SETDB2: variants seen among roughly 807,000 people sequenced by gnomAD.
SETDB2 encodes SET domain bifurcated histone lysine methyltransferase 2, also known as histone-lysine N-methyltransferase SETDB2.
Under a neutral mutation model 82.5 loss-of-function variants are expected in SETDB2, and 56 were observed. The observed-to-expected ratio is 0.68, with a 90% CI of 0.55 to 0.85. The LOEUF is 0.85. Among genes scored for constraint, SETDB2 ranks in the 40% least tolerant of loss-of-function variants. The pLI, the probability that SETDB2 is intolerant of heterozygous loss-of-function variation, is 0.00. For missense variants in SETDB2, 677 were observed against 816.4 expected, an observed-to-expected ratio of 0.83 and a Z score of 2.08; for synonymous variants, 272 against 284.9, an observed-to-expected ratio of 0.95 and a Z score of 0.46.
At chr13:49,482,354 TA>T (rs1169710456) in intron 8 of SETDB2, 1 of 982,856 alleles carries the variant, frequency 1.0e-6, no homozygotes, top group Non-Finnish European at 1.2e-6. Context: ...GTACTTTTGT[TA>T]AAAATTTTAA....
chr13:49,494,881 C>T lies in SETDB2; in HGVS notation c.*3032C>T, dbSNP rs1958775490. The T allele has an allele frequency of 6.6e-6, 1 of 152,032 alleles. No individual in the cohort carries two copies. Among genetic ancestry groups the T allele is most frequent in the Non-Finnish European group, 1.5e-5 (1 of 68,024 alleles). The allele number at this position is 152,032 out of a possible 1,614,324, so 9.4% of individuals were successfully genotyped here. Reference sequence around the variant, plus strand: ...CCACCAACTATTATATGTCTTTTTTCCAGAACAACTTATTTTTTAACTATA... The same window carrying T: ...CCACCAACTATTATATGTCTTTTTTTCAGAACAACTTATTTTTTAACTATA... On this transcript the variant is annotated 3_prime_UTR_variant, in exon 14 of 14. Transcript: ENST00000611815.
chr13:49,448,876 T>C (rs1957738822), intron 1 of SETDB2, among the ~76,000 whole-genome samples: 1 of 152,240 alleles, frequency 6.6e-6, no homozygotes, highest in Non-Finnish European at 1.5e-5. Context: ...ATTTTCCTTT[T>C]AATTTTGCTT....
intron 4 of SETDB2, among the ~76,000 whole-genome samples, chr13:49,465,072 T>TA (rs11404262): frequency 0.49 from 69,632 of 142,046 alleles, 17,200 homozygotes; most frequent in East Asian, 0.73. Flanking sequence ...AGACCCTGTC[T>TA]AAAAAAAAAA....
chr13:49,470,351 T>C (rs952896468), intron 5 of SETDB2, among the ~76,000 whole-genome samples: 6 of 152,228 alleles, frequency 3.9e-5, no homozygotes, highest in Non-Finnish European at 1.5e-5. Context: ...TCCTTTGCCA[T>C]TAAGAATTCC....
Position 49,476,883 on chromosome 13 carries a change from T to A in SETDB2, c.713T>A (p.Val238Glu). 1 of 1,614,104 alleles carries A rather than the reference T, an allele frequency of 6.2e-7. No individual in the cohort carries two copies. The highest frequency in any genetic ancestry group is 8.5e-7 in the Non-Finnish European group (1 of 1,180,008). Reference sequence around the variant, plus strand: ...TCTGATGTGGATATTAGCAATGGAGTGGAATCAGTGCCCATTTCTTTCTGT... The same window carrying A: ...TCTGATGTGGATATTAGCAATGGAGAGGAATCAGTGCCCATTTCTTTCTGT... ...VVSDVDISNG[V>E]ESVPISFCNE... The change falls in exon 6 of 14, where the codon GTG becomes GAG. Residue 238 changes from valine (V) to glutamate (E), a missense_variant. Around this residue, in one of 3 missense-constraint regions of SETDB2, gnomAD observed 420 missense variants for 554.6 expected, o/e 0.76. Coordinates refer to ENST00000611815, the MANE Select transcript of SETDB2 (RefSeq NM_001160308.3).
At chr13:49,467,712 A>T in intron 4 of SETDB2, 152 bp from the exon 5 acceptor site, 2 of 454,862 alleles carry the variant, frequency 4.4e-6, no homozygotes, top group Non-Finnish European at 7.7e-6. Flanking sequence ...ATTGACACTT[A>T]ATCTTTTGCC....
chr13:49,452,386 C>T (rs1245769612), intron 2 of SETDB2, among the ~76,000 whole-genome samples: 1 of 152,190 alleles, frequency 6.6e-6, no homozygotes, highest in African/African-American at 2.4e-5. Flanking sequence ...GCTAGGATTA[C>T]AGCACTTGCA....
intron 5 of SETDB2, among the ~76,000 whole-genome samples, chr13:49,469,048 C>A (rs921518332): frequency 6.6e-6 from 1 of 152,124 alleles, no homozygotes; most frequent in Non-Finnish European, 1.5e-5. Flanking sequence ...AACTTAAATG[C>A]AGGAGTGGTT....
At chr13:49,449,111 T>C (rs1290458076) in intron 1 of SETDB2, among the ~76,000 whole-genome samples, 1 of 152,260 alleles carries the variant, frequency 6.6e-6, no homozygotes, top group Non-Finnish European at 1.5e-5. Flanking sequence ...TTTTAAAATA[T>C]CATATCTGGG....
Position 49,494,038 on chromosome 13 carries a change from A to G in SETDB2, c.*2189A>G, listed in dbSNP as rs570578782. On this transcript the variant is annotated 3_prime_UTR_variant, in exon 14 of 14. Transcript: ENST00000611815. ...CCTGTTTTCCAGATGTTAGACCTCCAGAATTTGATCTCTAATTTTCCTATC... is the reference window on the plus strand; with the variant it reads ...CCTGTTTTCCAGATGTTAGACCTCCGGAATTTGATCTCTAATTTTCCTATC... 6.6e-6 allele frequency: 1 copy of G among 152,266 alleles called. No homozygotes were observed. Among genetic ancestry groups the G allele is most frequent in the Non-Finnish European group, 1.5e-5 (1 of 68,026 alleles). 9.4% of individuals were successfully genotyped at this position (152,266 alleles called of 1,614,324 possible).
Position 49,483,608 on chromosome 13 carries a change from AAT to A in SETDB2, c.1482+46_1482+47del. The A allele has an allele frequency of 3.1e-5, 15 of 490,650 alleles. No homozygotes were observed. In the South Asian group the frequency reaches 3.7e-4, roughly 12 times the overall value. The allele number at this position is 490,650 out of a possible 1,614,324, so 30.4% of individuals were successfully genotyped here. Reference sequence around the variant, plus strand: ...GTTGGGACCCTTCTTTTCTTTTTTAAATTTTTTTTTTTTTTTTTTTTTTTTTT... The same window carrying A: ...GTTGGGACCCTTCTTTTCTTTTTTAATTTTTTTTTTTTTTTTTTTTTTTTT... On this transcript the variant is annotated intron_variant, in intron 10 of 13. Transcript: ENST00000611815.
In SETDB2 at chr13:49,460,164, T is replaced by C. The variant is rs1752749125; in HGVS notation, c.74T>C (p.Phe25Ser). 1 of 1,613,376 alleles carries C rather than the reference T, an allele frequency of 6.2e-7. No individual in the cohort carries two copies. Among genetic ancestry groups the C allele is most frequent in the Admixed American group, 1.7e-5 (1 of 59,984 alleles). Residue 25 changes from phenylalanine to serine, a missense_variant, in exon 3 of 14, where the codon TTT (phenylalanine) becomes TCT (serine). Transcript: ENST00000611815. ...GATGATGGAAAAGTGGACTTCATTT[T>C]TGAACAAGTACAAAATGTGCTGCAG... ...LEDDGKVDFI[F>S]EQVQNVLQSL...
chr13:49,453,121 G>A (rs1957813576), intron 2 of SETDB2, among the ~76,000 whole-genome samples: 3 of 152,042 alleles, frequency 2.0e-5, no homozygotes, highest in Admixed American at 6.6e-5. Flanking sequence ...TTCTGCAGGG[G>A]AGATTTATCT....
intron 9 of SETDB2, 146 bp downstream of exon 9, chr13:49,483,108 A>C (rs1172937928): frequency 1.7e-6 from 1 of 605,542 alleles, no homozygotes; most frequent in Non-Finnish European, 2.9e-6. Flanking sequence ...TGAGAAATCC[A>C]GGACATGTAA....
chr13:49,489,524 A>T (rs955288251), intron 12 of SETDB2, among the ~76,000 whole-genome samples: 1 of 148,342 alleles, frequency 6.7e-6, no homozygotes, highest in East Asian at 2.0e-4. Flanking sequence ...AAAAAGCCAT[A>T]CCTTGAGAAG....
chr13:49,468,224 A>C (rs772668482), intron 5 of SETDB2, among the ~76,000 whole-genome samples: 1 of 152,126 alleles, frequency 6.6e-6, no homozygotes, highest in Non-Finnish European at 1.5e-5. Flanking sequence ...AAATCTACCA[A>C]GTAGTGTGTT....
At chr13:49,448,391 A>G (rs575055201) in intron 1 of SETDB2, among the ~76,000 whole-genome samples, 14 of 152,236 alleles carry the variant, frequency 9.2e-5, no homozygotes, top group African/African-American at 3.1e-4. Context: ...GTTTAAGTCA[A>G]TATTTTCATT....
intron 1 of SETDB2, among the ~76,000 whole-genome samples, chr13:49,448,637 A>G (rs1055921625): frequency 2.6e-5 from 4 of 152,144 alleles, no homozygotes; most frequent in African/African-American, 9.7e-5. Context: ...TGCTCTGTGT[A>G]AACAGTCTTT....
chr13:49,487,325 A>G (rs1958616627), intron 11 of SETDB2, among the ~76,000 whole-genome samples: 1 of 151,854 alleles, frequency 6.6e-6, no homozygotes, highest in Non-Finnish European at 1.5e-5. Flanking sequence ...TCTGACATGC[A>G]TTCATATCTT....
Sources: gnomAD v4.1 joint callset for allele counts (sites outside exome capture counted in the v4.1 genomes callset) on GRCh38, gnomAD v4.1.1 for gene constraint, gnomAD v4.1.1 regional missense constraint, MANE v1.5 for transcripts, NCBI Gene and HGNC (gene_info 2026-07-23, HGNC 2026-07-21) for gene names.